Variants in ZNF565 observed in about 807,000 individuals in gnomAD.
ZNF565 encodes zinc finger protein 565.
ZNF565 carries 27 observed loss-of-function variants against 39.4 expected under a neutral mutation model. That is an observed-to-expected ratio of 0.69 (90% confidence interval 0.51 to 0.95). The LOEUF (loss-of-function observed/expected upper bound fraction) is 0.95. Among genes scored for constraint, ZNF565 ranks in the 40% least tolerant of loss-of-function variants. The probability of loss-of-function intolerance (pLI) is 0.00; values close to 1 mark genes in which losing one functional copy is unlikely to be tolerated. For missense variants in ZNF565, 524 were observed against 621.1 expected (o/e 0.84, Z 1.66); for synonymous variants, 185 against 216.6 (o/e 0.85, Z 1.28).
intron 4 of ZNF565, 81 bp from the exon 5 acceptor site, chr19:36,183,814 C>G (rs1017326452): frequency 1.6e-6 from 2 of 1,282,064 alleles, no homozygotes; most frequent in Non-Finnish European, 2.1e-6. Context: ...AGGCCAGGCA[C>G]GGTGGCTCAC....
intron 1 of ZNF565, among the ~76,000 whole-genome samples, chr19:36,209,444 G>A (rs1363950466): frequency 1.3e-5 from 2 of 152,232 alleles, no homozygotes; most frequent in Non-Finnish European, 2.9e-5. Context: ...GCTGTGAGCC[G>A]AGATTGCGCC....
intron 1 of ZNF565, among the ~76,000 whole-genome samples, chr19:36,241,716 C>T (rs1600008953): frequency 6.8e-6 from 1 of 146,530 alleles, no homozygotes; most frequent in Non-Finnish European, 1.5e-5. Flanking sequence ...CGCTTGAACC[C>T]AGGAGGTGGA....
intron 3 of ZNF565, 92 bp from the exon 4 acceptor site, chr19:36,194,420 G>A (rs1975685418): frequency 2.1e-6 from 2 of 959,412 alleles, no homozygotes; most frequent in South Asian, 4.0e-5. Flanking sequence ...CAATTACAAG[G>A]TAGGTGGAAG....
intron 1 of ZNF565, chr19:36,238,131 T>TA (rs1977712233): frequency 6.0e-6 from 1 of 167,116 alleles, no homozygotes. Context: ...TCTTATGTAA[T>TA]ACTATATATC....
intron 1 of ZNF565, chr19:36,236,785 C>T (rs369142601): frequency 1.2e-6 from 2 of 1,614,008 alleles, no homozygotes; most frequent in Admixed American, 1.7e-5. Flanking sequence ...AGTCAAACCT[C>T]ATCAGACACC....
chr19:36,235,772 A>C (rs1977624458), intron 1 of ZNF565: 1 of 152,232 alleles, frequency 6.6e-6, no homozygotes, highest in Non-Finnish European at 1.5e-5. Flanking sequence ...AGAGCGTTGA[A>C]TATAAGAAAA....
intron 2 of ZNF565, among the ~76,000 whole-genome samples, chr19:36,200,241 G>A (rs1318442894): frequency 6.6e-6 from 1 of 151,748 alleles, no homozygotes; most frequent in East Asian, 1.9e-4. Flanking sequence ...GGTCAGGCTG[G>A]TCTCGAACTC....
At chr19:36,193,688 G>A (rs1037957631) in intron 4 of ZNF565, among the ~76,000 whole-genome samples, 4 of 152,062 alleles carry the variant, frequency 2.6e-5, no homozygotes, top group African/African-American at 4.8e-5. Context: ...TGATCCGCCC[G>A]CCTTGGCCTT....
intron 1 of ZNF565, among the ~76,000 whole-genome samples, chr19:36,209,197 T>C (rs1976261932): frequency 6.6e-6 from 1 of 152,152 alleles, no homozygotes; most frequent in Admixed American, 6.5e-5. Context: ...AGTAACATTA[T>C]TGGTTACTGA....
intron 1 of ZNF565, among the ~76,000 whole-genome samples, chr19:36,242,900 T>G (rs978532219): frequency 6.6e-6 from 1 of 152,206 alleles, no homozygotes; most frequent in African/African-American, 2.4e-5. Context: ...CCCTGATAAT[T>G]CATCACATTT....
At chr19:36,215,203 T>A (rs1437748614), upstream of ZNF565, 2 of 152,146 alleles carry the variant, frequency 1.3e-5, no homozygotes, top group Admixed American at 6.6e-5. Context: ...GGAGGTGGGA[T>A]CTGGGCGTCT....
upstream of ZNF565, among the ~76,000 whole-genome samples, chr19:36,219,492 C>A (rs1976748721): frequency 6.6e-6 from 1 of 152,050 alleles, no homozygotes; most frequent in South Asian, 2.1e-4. Context: ...GGTTCTAATT[C>A]AGAATCTCTG....
intron 1 of ZNF565, among the ~76,000 whole-genome samples, chr19:36,224,037 A>G (rs1976971557): frequency 6.6e-6 from 1 of 152,092 alleles, no homozygotes; most frequent in Non-Finnish European, 1.5e-5. Context: ...ATATGCATCC[A>G]GCTTTACCTT....
In ZNF565 at chr19:36,182,890, C is replaced by T; in HGVS notation, c.1076G>A (p.Gly359Glu). 1 of 1,614,078 alleles carries T rather than the reference C, an allele frequency of 6.2e-7. No homozygotes were observed. The highest frequency in any genetic ancestry group is 8.5e-7 in the Non-Finnish European group (1 of 1,180,020). ...TTCCTTACACTCATAGGGTTTCTCCCCAGAATGAATTCTTTGATGTCGAGT... is the reference window on the plus strand; with the variant it reads ...TTCCTTACACTCATAGGGTTTCTCCTCAGAATGAATTCTTTGATGTCGAGT... Reference protein sequence around the residue: ...EVTRHQRIHSGEKPYECKECG... With the variant: ...EVTRHQRIHSEEKPYECKECG... The change falls in exon 5 of 5, where the codon GGG becomes GAG. Residue 359 changes from glycine to glutamate, a missense_variant. Physicochemically the swap from Gly to Glu is moderately conservative, Grantham distance 98 (BLOSUM62 -2). Coordinates refer to ENST00000304116, the MANE Select transcript of ZNF565 (RefSeq NM_152477.5).
chr19:36,207,100 T>C (rs1207053842), intron 1 of ZNF565, among the ~76,000 whole-genome samples: 1 of 152,134 alleles, frequency 6.6e-6, no homozygotes, highest in East Asian at 1.9e-4. Flanking sequence ...GCAGCTGGGA[T>C]GGAACATGCG....
intron 1 of ZNF565, among the ~76,000 whole-genome samples, chr19:36,222,448 A>G (rs938285170): frequency 2.0e-4 from 30 of 152,210 alleles, no homozygotes; most frequent in African/African-American, 6.8e-4. Context: ...CTAGACTGCT[A>G]TTAATACAAA....
intron 1 of ZNF565, among the ~76,000 whole-genome samples, chr19:36,234,533 G>C (rs1342228666): frequency 1.3e-5 from 2 of 152,146 alleles, no homozygotes; most frequent in African/African-American, 4.8e-5. Context: ...TTCAAGCTTT[G>C]CATCTGGTTG....
chr19:36,235,217 AAAAG>A, intron 1 of ZNF565, among the ~76,000 whole-genome samples: 1 of 118,102 alleles, frequency 8.5e-6, no homozygotes, highest in South Asian at 2.4e-4. Flanking sequence ...CAAAAAAAAA[AAAAG>A]AAGAAAGAAA....
intron 2 of ZNF565, among the ~76,000 whole-genome samples, chr19:36,201,213 G>C (rs1234211376): frequency 6.6e-6 from 1 of 151,920 alleles, no homozygotes; most frequent in Non-Finnish European, 1.5e-5. Flanking sequence ...GAGGTGGGAG[G>C]ATTGCTTAAG....
Sources: gnomAD v4.1 joint callset for allele counts (sites outside exome capture counted in the v4.1 genomes callset) on GRCh38, gnomAD v4.1.1 for gene constraint, MANE v1.5 for transcripts, NCBI Gene and HGNC (gene_info 2026-07-23, HGNC 2026-07-21) for gene names.